Variants in TRPM3 observed in about 807,000 individuals in gnomAD.
TRPM3 encodes the protein long transient receptor potential channel 3.
In TRPM3, 77 loss-of-function variants were observed where a neutral mutation model predicts 181.2. That is an observed-to-expected ratio of 0.42 (90% CI 0.35 to 0.51). TRPM3 has a LOEUF of 0.51. Among genes scored for constraint, TRPM3 ranks in the 20% least tolerant of loss-of-function variants. The pLI is 0.01. For synonymous variants in TRPM3, 745 were observed against 796.4 expected (o/e 0.94, Z 1.09); for missense variants, 1,759 against 2,196.7 (o/e 0.80, Z 3.98).
upstream of TRPM3, among the ~76,000 whole-genome samples, chr9:71,124,935 A>G (rs1029469954): frequency 6.6e-6 from 1 of 152,150 alleles, no homozygotes; most frequent in Non-Finnish European, 1.5e-5. Flanking sequence ...AATTTTTCAG[A>G]GTTTATTATT....
At position 71,155,800 on chromosome 9, in the gene TRPM3, T is replaced by C. The variant is rs531927437; in HGVS notation, c.183+290853A>G. Reference sequence around the variant, plus strand: ...AAATTAGAAGTGTTTTACAGAAAGATTGTAAAAGGAATGTAATCAAAAATT... The same window carrying C: ...AAATTAGAAGTGTTTTACAGAAAGACTGTAAAAGGAATGTAATCAAAAATT... On this transcript the variant is annotated intron_variant, in intron 1 of 24. Transcript: ENST00000357533. 1.1e-4 allele frequency among the ~76,000 whole-genome samples: 16 copies of C among 152,174 alleles called. No individual in the cohort carries two copies. In the South Asian group the frequency reaches 2.7e-3, roughly 26 times the overall value.
chr9:71,405,077 A>T (rs1488082322), intron 1 of TRPM3, among the ~76,000 whole-genome samples: 1 of 152,198 alleles, frequency 6.6e-6, no homozygotes, highest in Admixed American at 6.6e-5. Context: ...TAAGGCATGG[A>T]TTCTATCTCA....
In TRPM3 at chr9:70,753,289, CT is replaced by C. The variant is rs576056434; in HGVS notation, c.1272+8311del. 1.1e-3 allele frequency among the ~76,000 whole-genome samples: 170 copies of C among 152,188 alleles called. 1 individual carries two copies. Among genetic ancestry groups the C allele is most frequent in the Middle Eastern group, 3.4e-3 (1 of 294 alleles). The stretch of plus-strand genomic sequence containing the variant: ...CAAGCCCCAAACTGAGAAAATGTAT[CT>C]GTAACACAACCAACAAAAGATTAGT... On this transcript the variant is annotated intron_variant, in intron 8 of 25. Transcript: ENST00000677713.
At chr9:71,173,267 T>G (rs1161723699) in intron 1 of TRPM3, among the ~76,000 whole-genome samples, 1 of 152,078 alleles carries the variant, frequency 6.6e-6, no homozygotes. Context: ...ATTATATAAT[T>G]ATATATATTA....
At chr9:71,087,913 A>C in intron 1 of TRPM3, among the ~76,000 whole-genome samples, 1 of 152,118 alleles carries the variant, frequency 6.6e-6, no homozygotes, top group Non-Finnish European at 1.5e-5. Context: ...AAAGCTCAAA[A>C]TATGTGGACA....
At chr9:70,991,555 G>A (rs13287913) in intron 1 of TRPM3, among the ~76,000 whole-genome samples, 1 of 124,536 alleles carries the variant, frequency 8.0e-6, no homozygotes, top group African/African-American at 3.0e-5. Context: ...CTATGTGTCT[G>A]TTTTTTTTTT....
chr9:70,975,423 A>C (rs193261896), intron 1 of TRPM3, among the ~76,000 whole-genome samples: 5 of 152,352 alleles, frequency 3.3e-5, no homozygotes, highest in African/African-American at 9.6e-5. Flanking sequence ...TCTTGAAAAC[A>C]AATATAATAC....
At position 70,629,216 on chromosome 9, in the gene TRPM3, G is replaced by C. The variant is rs1316887724; in HGVS notation, c.1633-3699C>G. Among the ~76,000 whole-genome samples, 14 of 60,262 alleles carry C rather than the reference G, an allele frequency of 2.3e-4. 2 individuals carry two copies. Among genetic ancestry groups the C allele is most frequent in the African/African-American group, 9.3e-4 (12 of 12,842 alleles). 39.5% of individuals were successfully genotyped at this position (60,262 alleles called of 152,430 possible). A position where few individuals can be genotyped will look rare whatever the true frequency, so the allele number is the denominator to read the frequency against. ...GATAAATGATTCTGTGACCAGTGCC[G>C]GGGGGGGGGGGGGCCTGCGTTCTGT... On this transcript the variant is annotated intron_variant, in intron 12 of 25. Coordinates refer to ENST00000677713, the MANE Select transcript of TRPM3 (RefSeq NM_001366145.2).
chr9:71,291,398 T>A (rs1014941419), intron 1 of TRPM3, among the ~76,000 whole-genome samples: 3 of 152,164 alleles, frequency 2.0e-5, no homozygotes, highest in African/African-American at 4.8e-5. Context: ...CAAAACCAAC[T>A]GTTTTGCCAG....
chr9:70,696,023 C>A (rs1460761556), intron 8 of TRPM3, among the ~76,000 whole-genome samples: 1 of 152,152 alleles, frequency 6.6e-6, no homozygotes, highest in African/African-American at 2.4e-5. Flanking sequence ...GACTCACGTA[C>A]AAGCAAATTG....
At chr9:70,862,878 T>C in intron 3 of TRPM3, 30 bp downstream of exon 3, 1 of 1,608,822 alleles carries the variant, frequency 6.2e-7, no homozygotes, top group South Asian at 1.1e-5. Context: ...GAGATAGCAT[T>C]TGGGAGCAAC....
At position 71,237,518 on chromosome 9, in the gene TRPM3, G is replaced by C. The variant is rs2081428339; in HGVS notation, c.183+209135C>G. Reference sequence around the variant, plus strand: ...TTTTCTACTTATCATTTATTAGATGGTCTGGAAAATGAATTTCATTTAAGT... The same window carrying C: ...TTTTCTACTTATCATTTATTAGATGCTCTGGAAAATGAATTTCATTTAAGT... On this transcript the variant is annotated intron_variant, in intron 1 of 24. Coordinates refer to the TRPM3 transcript ENST00000357533. Among the ~76,000 whole-genome samples the C allele has an allele frequency of 3.3e-5, 5 of 152,050 alleles. No homozygotes were observed. The South Asian group carries it at 1.0e-3, about 32-fold the overall frequency.
chr9:71,327,870 GT>G (rs1303728085), intron 1 of TRPM3, among the ~76,000 whole-genome samples: 2 of 152,116 alleles, frequency 1.3e-5, no homozygotes, highest in Non-Finnish European at 2.9e-5. Flanking sequence ...AAGAGGAATA[GT>G]TTCCTGAGTG....
chr9:70,926,145 C>G (rs2096719410), intron 1 of TRPM3, among the ~76,000 whole-genome samples: 1 of 152,034 alleles, frequency 6.6e-6, no homozygotes, highest in Admixed American at 6.6e-5. Flanking sequence ...AGAGACTGAT[C>G]ACACTGGCAA....
At chr9:70,767,427 C>T (rs752684404) in intron 7 of TRPM3, among the ~76,000 whole-genome samples, 10 of 152,172 alleles carry the variant, frequency 6.6e-5, no homozygotes, top group Non-Finnish European at 1.0e-4. Flanking sequence ...CCTCAAGGAA[C>T]TGAAAAAGTT....
At chr9:71,117,573 A>AAGAAG (rs1221075966) in intron 1 of TRPM3, among the ~76,000 whole-genome samples, 1 of 152,076 alleles carries the variant, frequency 6.6e-6, no homozygotes, top group Non-Finnish European at 1.5e-5. Flanking sequence ...CTTCATTTTA[A>AAGAAG]AGAAGACATC....
chr9:70,591,891 G>C (rs1014806204), intron 21 of TRPM3, among the ~76,000 whole-genome samples: 1 of 152,144 alleles, frequency 6.6e-6, no homozygotes, highest in Non-Finnish European at 1.5e-5. Context: ...ATTGGCTATG[G>C]AGGGTGTTTT....
intron 1 of TRPM3, among the ~76,000 whole-genome samples, chr9:71,023,844 G>C (rs2097866188): frequency 6.6e-6 from 1 of 152,182 alleles, no homozygotes. Context: ...GAAGATGCAG[G>C]AGGGAGAGAA....
At position 71,171,765 on chromosome 9, in the gene TRPM3, T is replaced by G. The variant is rs956084095; in HGVS notation, c.183+274888A>C. Among the ~76,000 whole-genome samples, 9 of 152,022 alleles carry G rather than the reference T, an allele frequency of 5.9e-5. No homozygotes were observed. In the South Asian group the frequency reaches 1.9e-3, roughly 32 times the overall value. On this transcript the variant is annotated intron_variant, in intron 1 of 24. Coordinates refer to the TRPM3 transcript ENST00000357533. ...CTGTGAACTGCATAAAACCAGGAGG[T>G]GTCGTTCATATGAGTTGGAAGTAAA...
Sources: allele counts gnomAD v4.1 joint callset (sites outside exome capture counted in the v4.1 genomes callset), GRCh38; gene constraint gnomAD v4.1.1; transcripts MANE v1.5; gene names NCBI Gene and HGNC (gene_info 2026-07-23, HGNC 2026-07-21).